The following CDH18 variants were observed in gnomAD, a reference collection of about 807,000 sequenced individuals.
The protein encoded by CDH18 is cadherin-18.
In CDH18, 31 loss-of-function variants were observed where a neutral mutation model predicts 67.9. The ratio of observed to expected loss-of-function variants is 0.46; its 90% CI spans 0.34 to 0.62. CDH18 has a LOEUF of 0.62. Ranked by LOEUF, CDH18 falls within the 20% of genes least tolerant of loss-of-function variation. The pLI is 0.01. For missense variants in CDH18, 890 were observed against 975.5 expected (o/e 0.91, Z 1.17); for synonymous variants, 362 against 347.2 (o/e 1.04, Z -0.48).
intron 1 of CDH18, among the ~76,000 whole-genome samples, chr5:20,328,473 TTGTGTGTGTG>T (rs70954646): frequency 0.43 from 60,287 of 141,330 alleles, 14,241 homozygotes; most frequent in Middle Eastern, 0.61. Context: ...GAGAAGCCAT[TTGTGTGTGTG>T]TGTGTGTGTG....
At chr5:20,048,783 T>C (rs1469238449) in intron 2 of CDH18, among the ~76,000 whole-genome samples, 1 of 151,576 alleles carries the variant, frequency 6.6e-6, no homozygotes, top group Non-Finnish European at 1.5e-5. Flanking sequence ...ATGTAATAAC[T>C]CCTTCTACAT....
chr5:19,703,347 T>A (rs12522130), intron 5 of CDH18, among the ~76,000 whole-genome samples: 1 of 152,032 alleles, frequency 6.6e-6, no homozygotes, highest in Non-Finnish European at 1.5e-5. Flanking sequence ...GGTAACAATG[T>A]GCAAGTGTGG....
chr5:20,468,916 A>G (rs1454086232), intron 1 of CDH18, among the ~76,000 whole-genome samples: 2 of 152,174 alleles, frequency 1.3e-5, no homozygotes, highest in Non-Finnish European at 2.9e-5. Context: ...GTGCATTAAA[A>G]CTTCTGCTAG....
intron 2 of CDH18, among the ~76,000 whole-genome samples, chr5:20,163,662 G>C (rs955200173): frequency 1.3e-5 from 2 of 152,168 alleles, no homozygotes; most frequent in African/African-American, 2.4e-5. Flanking sequence ...AAACTGATCA[G>C]CTATCCCCCT....
At chr5:20,198,758 A>T (rs1739197954) in intron 2 of CDH18, among the ~76,000 whole-genome samples, 1 of 152,084 alleles carries the variant, frequency 6.6e-6, no homozygotes, top group Non-Finnish European at 1.5e-5. Context: ...AAGAGGAAAA[A>T]GTGATTTCCT....
At chr5:19,993,632 A>G (rs572134566) in intron 2 of CDH18, among the ~76,000 whole-genome samples, 11 of 152,216 alleles carry the variant, frequency 7.2e-5, no homozygotes, top group Admixed American at 7.2e-4. Context: ...AGATATATAC[A>G]CATATATATA....
At chr5:20,081,485 G>C (rs1224082850) in intron 2 of CDH18, among the ~76,000 whole-genome samples, 1 of 152,106 alleles carries the variant, frequency 6.6e-6, no homozygotes, top group Non-Finnish European at 1.5e-5. Flanking sequence ...CTACCATAAA[G>C]ATACATGCAT....
intron 2 of CDH18, among the ~76,000 whole-genome samples, chr5:20,071,194 CTTTATGT>C (rs909434990): frequency 7.9e-5 from 12 of 152,044 alleles, no homozygotes; most frequent in Middle Eastern, 3.4e-3. Flanking sequence ...TGGAAAATAT[CTTTATGT>C]TTTGTGCATC....
intron 2 of CDH18, among the ~76,000 whole-genome samples, chr5:19,996,728 T>C (rs918243043): frequency 1.3e-5 from 2 of 152,032 alleles, no homozygotes; most frequent in Non-Finnish European, 2.9e-5. Context: ...TTCATATCCA[T>C]TTCTCTATCA....
At chr5:19,719,828 T>C (rs531752725) in intron 5 of CDH18, among the ~76,000 whole-genome samples, 1 of 151,432 alleles carries the variant, frequency 6.6e-6, no homozygotes, top group African/African-American at 2.4e-5. Context: ...TGTTCTACGT[T>C]GTTTTCTTTT....
chr5:19,670,105 A>C (rs1326386310), intron 5 of CDH18, among the ~76,000 whole-genome samples: 1 of 149,604 alleles, frequency 6.7e-6, no homozygotes, highest in African/African-American at 2.5e-5. Context: ...ATTGCCCTAC[A>C]GATCTGGGAA....
intron 1 of CDH18, among the ~76,000 whole-genome samples, chr5:20,336,203 C>A (rs1448960284): frequency 6.6e-6 from 1 of 152,108 alleles, no homozygotes; most frequent in Non-Finnish European, 1.5e-5. Context: ...ATGATGCCCC[C>A]TCTCAGCTCC....
At chr5:20,272,069 G>A (rs2126668234) in intron 1 of CDH18, among the ~76,000 whole-genome samples, 1 of 152,152 alleles carries the variant, frequency 6.6e-6, no homozygotes, top group Admixed American at 6.6e-5. Flanking sequence ...TATTTTTTAA[G>A]TGAATTGGAT....
intron 3 of CDH18, among the ~76,000 whole-genome samples, chr5:19,832,127 A>C (rs1474273841): frequency 1.3e-5 from 2 of 152,056 alleles, no homozygotes; most frequent in Admixed American, 6.6e-5. Flanking sequence ...AAGGGGAGGA[A>C]GGGTTGAAAA....
intron 1 of CDH18, among the ~76,000 whole-genome samples, chr5:20,445,701 T>C (rs1056629254): frequency 7.2e-5 from 11 of 152,164 alleles, no homozygotes; most frequent in Admixed American, 6.5e-5. Context: ...GATTCTTTGA[T>C]AGAAGCAGAC....
chr5:19,717,438 T>C (rs943942473), intron 5 of CDH18, among the ~76,000 whole-genome samples: 3 of 152,034 alleles, frequency 2.0e-5, no homozygotes, highest in Non-Finnish European at 4.4e-5. Flanking sequence ...TCTAAGGCCC[T>C]GGAATGATAC....
chr5:19,668,482 T>C (rs1250739778), intron 5 of CDH18, among the ~76,000 whole-genome samples: 1 of 152,082 alleles, frequency 6.6e-6, no homozygotes, highest in Non-Finnish European at 1.5e-5. Flanking sequence ...ATTTAAAATG[T>C]AAATGCTATG....
At chr5:20,338,520 G>A (rs12189120) in intron 1 of CDH18, among the ~76,000 whole-genome samples, 180 of 152,286 alleles carry the variant, frequency 1.2e-3, no homozygotes, top group Non-Finnish European at 2.1e-3. Context: ...AAATGGAAAA[G>A]TTTACTGTAT....
intron 9 of CDH18, among the ~76,000 whole-genome samples, chr5:19,539,441 CAT>C (rs2127045515): frequency 6.6e-6 from 1 of 152,158 alleles, no homozygotes; most frequent in South Asian, 2.1e-4. Context: ...TGCATGAACT[CAT>C]ATATATTCAT....
Sources: gnomAD v4.1 joint callset for allele counts (sites outside exome capture counted in the v4.1 genomes callset) on GRCh38, gnomAD v4.1.1 for gene constraint, MANE v1.5 for transcripts, NCBI Gene and HGNC (gene_info 2026-07-23, HGNC 2026-07-21) for gene names.